SLC24A3: variants seen among roughly 807,000 people sequenced by gnomAD.
The protein encoded by SLC24A3 is solute carrier family 24 member 3, also known as sodium/potassium/calcium exchanger 3.
Under a neutral mutation model 75.8 loss-of-function variants are expected in SLC24A3, and 28 were observed. That is an observed-to-expected ratio of 0.37 (90% CI 0.27 to 0.51). The LOEUF (loss-of-function observed/expected upper bound fraction) is 0.51, where lower values mean the gene tolerates loss of function less well. Among genes scored for constraint, SLC24A3 ranks in the 20% least tolerant of loss-of-function variants. The pLI, the probability that SLC24A3 is intolerant of heterozygous loss-of-function variation, is 0.94. For missense variants in SLC24A3, 663 were observed against 847.8 expected, an observed-to-expected ratio of 0.78 and a Z score of 2.71; for synonymous variants, 372 against 334.1, an observed-to-expected ratio of 1.11 and a Z score of -1.24.
At chr20:19,570,957 C>T (rs1416515140) in intron 3 of SLC24A3, among the ~76,000 whole-genome samples, 2 of 152,036 alleles carry the variant, frequency 1.3e-5, no homozygotes, top group Non-Finnish European at 2.9e-5. Flanking sequence ...GAGAGGTCTC[C>T]ATAGAAGGGG....
Position 19,698,674 on chromosome 20 carries a change from A to T in SLC24A3, c.1713A>T (p.Gly571=), listed in dbSNP as rs948892381. 4.4e-6 allele frequency: 7 copies of T among 1,574,992 alleles called. No individual in the cohort carries two copies. Among genetic ancestry groups the T allele is most frequent in the Admixed American group, 3.6e-5 (2 of 55,294 alleles). ...TGCAGACCCTGGCTGTGGATTACGGATCCTACGTAAGTGGTTTTCTCCAGG... is the reference window on the plus strand; with the variant it reads ...TGCAGACCCTGGCTGTGGATTACGGTTCCTACGTAAGTGGTTTTCTCCAGG... ...WALQTLAVDY[G]SYIRLNSRGL... is the part of the protein sequence containing the mutation. Residue 571 remains glycine, a synonymous_variant, in exon 15 of 17, where the codon GGA becomes GGT. Coordinates refer to ENST00000328041, the MANE Select transcript of SLC24A3 (RefSeq NM_020689.4).
chr20:19,242,361 C>G (rs1982354880), intron 1 of SLC24A3: 1 of 152,092 alleles, frequency 6.6e-6, no homozygotes, highest in Non-Finnish European at 1.5e-5. Context: ...GGGATTAGGT[C>G]AGTTTTGCTC....
chr20:19,629,479 GAGCCTATTTGAAGAAATAAT>G (rs1199552355), intron 6 of SLC24A3, among the ~76,000 whole-genome samples: 4 of 152,168 alleles, frequency 2.6e-5, no homozygotes, highest in African/African-American at 9.7e-5. Context: ...AAAGGACAGA[GAGCCTATTTGAAGAAATAAT>G]AGCCAATATC....
intron 6 of SLC24A3, among the ~76,000 whole-genome samples, chr20:19,624,027 C>T (rs1357793578): frequency 1.3e-5 from 2 of 152,228 alleles, no homozygotes; most frequent in Non-Finnish European, 2.9e-5. Flanking sequence ...AGCCAAGGCA[C>T]ACCCCTTTCT....
intron 6 of SLC24A3, among the ~76,000 whole-genome samples, chr20:19,588,597 T>A (rs1255019447): frequency 6.6e-6 from 1 of 152,210 alleles, no homozygotes; most frequent in Non-Finnish European, 1.5e-5. Context: ...AGAAAGTGGC[T>A]TATAGAGAGG....
intron 2 of SLC24A3, among the ~76,000 whole-genome samples, chr20:19,281,655 G>T (rs1412630471): frequency 6.6e-6 from 1 of 152,036 alleles, no homozygotes; most frequent in Non-Finnish European, 1.5e-5. Context: ...CAGATCAAAG[G>T]GAATGAGGAG....
At chr20:19,423,088 G>A (rs1305787998) in intron 2 of SLC24A3, among the ~76,000 whole-genome samples, 5 of 152,206 alleles carry the variant, frequency 3.3e-5, no homozygotes, top group Admixed American at 2.6e-4. Context: ...TGGGCACCTG[G>A]CATGCTCAGG....
chr20:19,407,272 G>A (rs927617766), intron 2 of SLC24A3, among the ~76,000 whole-genome samples: 6 of 152,176 alleles, frequency 3.9e-5, no homozygotes, highest in Non-Finnish European at 5.9e-5. Context: ...AGAGGATGGC[G>A]GTAGGAGACC....
intron 2 of SLC24A3, among the ~76,000 whole-genome samples, chr20:19,383,343 A>G (rs1307515524): frequency 2.6e-5 from 4 of 152,152 alleles, no homozygotes; most frequent in East Asian, 3.8e-4. Flanking sequence ...GATAGGGGAG[A>G]CAAACTGTTT....
intron 2 of SLC24A3, among the ~76,000 whole-genome samples, chr20:19,308,554 T>C (rs1193101809): frequency 6.6e-6 from 1 of 152,246 alleles, no homozygotes; most frequent in African/African-American, 2.4e-5. Flanking sequence ...AAGTCTCCCA[T>C]TCATTTACTG....
chr20:19,385,219 G>A (rs1483473139), intron 2 of SLC24A3, among the ~76,000 whole-genome samples: 1 of 152,110 alleles, frequency 6.6e-6, no homozygotes, highest in Non-Finnish European at 1.5e-5. Flanking sequence ...CAAAATCATT[G>A]TCCAGACCTA....
At chr20:19,683,378 C>T (rs1240616885) in intron 10 of SLC24A3, among the ~76,000 whole-genome samples, 1 of 152,226 alleles carries the variant, frequency 6.6e-6, no homozygotes, top group African/African-American at 2.4e-5. Context: ...TACCCTTGAA[C>T]TGTGTGCATA....
intron 2 of SLC24A3, among the ~76,000 whole-genome samples, chr20:19,325,041 A>G (rs1011885703): frequency 6.7e-5 from 10 of 148,494 alleles, no homozygotes; most frequent in African/African-American, 2.2e-4. Flanking sequence ...TTTTAATGAC[A>G]CTATCTCATT....
intron 6 of SLC24A3, among the ~76,000 whole-genome samples, chr20:19,611,233 G>A (rs954369176): frequency 3.3e-4 from 50 of 152,296 alleles, no homozygotes; most frequent in African/African-American, 1.1e-3. Flanking sequence ...TAGAGCAGAA[G>A]ATGGATATCA....
intron 2 of SLC24A3, among the ~76,000 whole-genome samples, chr20:19,482,547 C>G (rs2122520493): frequency 6.6e-6 from 1 of 152,346 alleles, no homozygotes; most frequent in East Asian, 1.9e-4. Flanking sequence ...CTTGCTTTCA[C>G]ACTGCATGGT....
intron 2 of SLC24A3, among the ~76,000 whole-genome samples, chr20:19,491,994 C>T (rs1261690614): frequency 6.6e-6 from 1 of 152,114 alleles, no homozygotes; most frequent in Non-Finnish European, 1.5e-5. Context: ...CTTCACCCCT[C>T]TTCAAAGAGA....
At chr20:19,346,062 A>AATAT in intron 2 of SLC24A3, among the ~76,000 whole-genome samples, 2 of 42,286 alleles carry the variant, frequency 4.7e-5, no homozygotes, top group Non-Finnish European at 8.4e-5. Flanking sequence ...AATAAAGAAA[A>AATAT]CTATATATAT....
chr20:19,232,534 G>C (rs535340878), intron 1 of SLC24A3, among the ~76,000 whole-genome samples: 1 of 152,250 alleles, frequency 6.6e-6, no homozygotes, highest in Non-Finnish European at 1.5e-5. Context: ...AAATATTATA[G>C]TTTATTTGAG....
intron 2 of SLC24A3, among the ~76,000 whole-genome samples, chr20:19,434,374 C>T (rs893441559): frequency 1.3e-5 from 2 of 152,194 alleles, no homozygotes; most frequent in African/African-American, 4.8e-5. Flanking sequence ...AAAGGAGCAT[C>T]ACCTTGAGTC....
Sources: gnomAD v4.1 joint callset for allele counts (sites outside exome capture counted in the v4.1 genomes callset) on GRCh38, gnomAD v4.1.1 for gene constraint, MANE v1.5 for transcripts, NCBI Gene and HGNC (gene_info 2026-07-23, HGNC 2026-07-21) for gene names.